The following SMIM5 variants were observed in gnomAD, a reference collection of about 807,000 sequenced individuals.
SMIM5 encodes the protein small integral membrane protein 5.
SMIM5 carries 4 observed loss-of-function variants against 4.0 expected under a neutral mutation model. The observed-to-expected ratio is 1.01, with a 90% confidence interval of 0.50 to 2.30. The LOEUF is 2.30. Among genes scored for constraint, SMIM5 ranks in the 30% most tolerant of loss-of-function variants. SMIM5 has a pLI of 0.02. For missense variants in SMIM5, 107 were observed against 99.2 expected (o/e 1.08, Z -0.34); for synonymous variants, 46 against 43.6 (o/e 1.05, Z -0.22).
chr17:75,633,812 G>A lies in SMIM5; in HGVS notation c.-427G>A, dbSNP rs140728335. 85 of 1,007,030 alleles carry A rather than the reference G, an allele frequency of 8.4e-5. 1 individual carries two copies. In the East Asian group the frequency reaches 8.4e-3, roughly 99 times the overall value. 62.4% of individuals were successfully genotyped at this position (1,007,030 alleles called of 1,614,324 possible). ...CTCCTGGCCAGGAAGGCAGAGAGCC[G>A]ACTTCTTTCTTCAGCTCCCAACCCA... is the stretch of plus-strand genomic sequence containing the variant. On this transcript the variant is annotated 5_prime_UTR_variant, in exon 1 of 3. Transcript: ENST00000375215.
At chr17:75,639,405 G>A (rs1329935567) in intron 1 of SMIM5, 1 of 152,276 alleles carries the variant, frequency 6.6e-6, no homozygotes, top group African/African-American at 2.4e-5. Context: ...CTTCTGGAGT[G>A]GCACCTTGGG....
chr17:75,634,075 C>G lies in SMIM5; in HGVS notation c.-164C>G. 1 of 985,628 alleles carries G rather than the reference C, an allele frequency of 1.0e-6. No homozygotes were observed. Among genetic ancestry groups the G allele is most frequent in the Non-Finnish European group, 1.2e-6 (1 of 830,070 alleles). 61.1% of individuals were successfully genotyped at this position (985,628 alleles called of 1,614,324 possible). On this transcript the variant is annotated 5_prime_UTR_variant, in exon 1 of 3. Transcript: ENST00000375215. Reference sequence around the variant, plus strand: ...AAAGCCAGGCAGAGACAGCAGCTGGCTGTCAGCAGAGGAGCTGGGCTGAGG... The same window carrying G: ...AAAGCCAGGCAGAGACAGCAGCTGGGTGTCAGCAGAGGAGCTGGGCTGAGG...
Position 75,640,265 on chromosome 17 carries a change from CAG to C in SMIM5, c.68_69del (p.Arg23ThrfsTer5), listed in dbSNP as rs1007283846. ...AVGERLLLKL[Q>X]RLPQAEPVEI... ...GGGCGAGAGGCTGCTGCTCAAGCTG[CAG>C]AGACTGCCCCAGGCTGAGCCCGTGG... On this transcript the variant is annotated frameshift_variant, in exon 2 of 3. Transcript: ENST00000375215. LOFTEE classifies it high-confidence loss of function. The surrounding 1 kb of genome is among the most constrained non-coding windows in gnomAD (Gnocchi z 4.6). The C allele has an allele frequency of 6.4e-7, 1 of 1,551,548 alleles. No homozygotes were observed. The highest frequency in any genetic ancestry group is 8.7e-7 in the Non-Finnish European group (1 of 1,146,932).
At position 75,634,003 on chromosome 17, in the gene SMIM5, C is replaced by G; in HGVS notation, c.-236C>G. Reference sequence around the variant, plus strand: ...AGCAGGGCTTCCTCGGGCTCCCCCTCGCGACGGTAATTTGACACTTGGATC... The same window carrying G: ...AGCAGGGCTTCCTCGGGCTCCCCCTGGCGACGGTAATTTGACACTTGGATC... On this transcript the variant is annotated 5_prime_UTR_variant, in exon 1 of 3. Transcript: ENST00000375215. The G allele has an allele frequency of 1.0e-6, 1 of 985,530 alleles. No homozygotes were observed. The highest frequency in any genetic ancestry group is 4.7e-5 in the South Asian group (1 of 21,300). 61.0% of individuals were successfully genotyped at this position (985,530 alleles called of 1,614,324 possible).
intron 1 of SMIM5, among the ~76,000 whole-genome samples, chr17:75,635,138 C>T (rs1334032944): frequency 6.6e-6 from 1 of 152,176 alleles, no homozygotes; most frequent in Non-Finnish European, 1.5e-5. Flanking sequence ...AAACAATGAC[C>T]CAGGGAAATG....
At chr17:75,638,462 C>T (rs1211977781) in intron 1 of SMIM5, 3 of 152,342 alleles carry the variant, frequency 2.0e-5, no homozygotes, top group African/African-American at 4.8e-5. Flanking sequence ...GCTTGGGCAA[C>T]AAGAGAGAAA....
Position 75,640,383 on chromosome 17 carries a change from C to T in SMIM5, c.127+55C>T, listed in dbSNP as rs1474553857. 1.8e-5 allele frequency: 27 copies of T among 1,475,996 alleles called. No individual in the cohort carries two copies. The highest frequency in any genetic ancestry group is 2.5e-5 in the Admixed American group (1 of 39,276). The allele number at this position is 1,475,996 out of a possible 1,614,324, so 91.4% of individuals were successfully genotyped here. A position where few individuals can be genotyped will look rare whatever the true frequency, so the allele number is the denominator to read the frequency against. On this transcript the variant is annotated intron_variant, in intron 2 of 2. Transcript: ENST00000375215. The surrounding 1 kb of genome is among the most constrained non-coding windows in gnomAD (Gnocchi z 4.6). ...TCTCCCTGGCATCTGGGAGAGACCA[C>T]ACCATGGTGCCAGCCAGAGGGCTGG...
intron 1 of SMIM5, among the ~76,000 whole-genome samples, chr17:75,634,782 C>G (rs1228790917): frequency 6.6e-6 from 1 of 152,254 alleles, no homozygotes; most frequent in South Asian, 2.1e-4. Context: ...CTAGATCTCC[C>G]TCTGGTGATG....
Position 75,633,516 on chromosome 17 carries a change from G to C in SMIM5, c.-723G>C. 1 of 1,288,216 alleles carries C rather than the reference G, an allele frequency of 7.8e-7. No homozygotes were observed. The highest frequency in any genetic ancestry group is 1.0e-6 in the Non-Finnish European group (1 of 988,234). 79.8% of individuals were successfully genotyped at this position (1,288,216 alleles called of 1,614,324 possible). On this transcript the variant is annotated 5_prime_UTR_variant, in exon 1 of 3. Transcript: ENST00000375215. Reference sequence around the variant, plus strand: ...CGCAGGCCACTCCCAGGTCACTCAGGATTCCAAGTTCTCCCCCAAGACGCC... The same window carrying C: ...CGCAGGCCACTCCCAGGTCACTCAGCATTCCAAGTTCTCCCCCAAGACGCC...
Position 75,640,663 on chromosome 17 carries a change from CG to C in SMIM5, c.128-126del. On this transcript the variant is annotated intron_variant, in intron 2 of 2. Transcript: ENST00000375215. The surrounding 1 kb of genome is among the most constrained non-coding windows in gnomAD (Gnocchi z 4.6). Reference sequence around the variant, plus strand: ...CCGTCCGCACCTCTCACCAGCCTCTCGGATCTTTCTGACCTCCACCAAACCT... The same window carrying C: ...CCGTCCGCACCTCTCACCAGCCTCTCGATCTTTCTGACCTCCACCAAACCT... 6.8e-7 allele frequency: 1 copy of C among 1,466,584 alleles called. No individual in the cohort carries two copies. 90.8% of individuals were successfully genotyped at this position (1,466,584 alleles called of 1,614,324 possible).
chr17:75,638,180 C>T (rs1231371542), intron 1 of SMIM5: 1 of 151,252 alleles, frequency 6.6e-6, no homozygotes, highest in African/African-American at 2.4e-5. Context: ...CCCTCATCAT[C>T]ACTTAAAAAA....
intron 1 of SMIM5, chr17:75,637,216 C>T (rs1208190959): frequency 6.6e-6 from 1 of 152,420 alleles, no homozygotes; most frequent in Non-Finnish European, 1.5e-5. Context: ...CCTGCAATCT[C>T]TCCCTGGGTC....
chr17:75,634,279 C>T (rs967303767), intron 1 of SMIM5, 77 bp downstream of exon 1: 3 of 983,400 alleles, frequency 3.1e-6, no homozygotes, highest in African/African-American at 1.7e-5. Flanking sequence ...GGTGAAGGGC[C>T]ACAGTCTACC....
At position 75,634,110 on chromosome 17, in the gene SMIM5, G is replaced by A; in HGVS notation, c.-129G>A. On this transcript the variant is annotated 5_prime_UTR_variant, in exon 1 of 3. Coordinates refer to ENST00000375215, the MANE Select transcript of SMIM5 (RefSeq NM_001162995.3). Reference sequence around the variant, plus strand: ...AGGAGCTGGGCTGAGGCGCCCAGGGGAGCAGCGGCGCCCACGAAGGAAGTA... The same window carrying A: ...AGGAGCTGGGCTGAGGCGCCCAGGGAAGCAGCGGCGCCCACGAAGGAAGTA... 1.0e-6 allele frequency: 1 copy of A among 985,574 alleles called. No individual in the cohort carries two copies. The highest frequency in any genetic ancestry group is 1.2e-6 in the Non-Finnish European group (1 of 830,018). 61.1% of individuals were successfully genotyped at this position (985,574 alleles called of 1,614,324 possible).
chr17:75,635,542 G>A (rs2059305237), intron 1 of SMIM5, among the ~76,000 whole-genome samples: 1 of 152,222 alleles, frequency 6.6e-6, no homozygotes, highest in African/African-American at 2.4e-5. Flanking sequence ...CCTGCCAGGG[G>A]TTCAAGCACC....
rs182242618 is a variant in SMIM5 at position 75,640,348 on chromosome 17, A to G, written c.127+20A>G. Reference sequence around the variant, plus strand: ...TCACAGGTTAGTTGGGGCACTCAGCACCCCATGGCTCTCCCTGGCATCTGG... The same window carrying G: ...TCACAGGTTAGTTGGGGCACTCAGCGCCCCATGGCTCTCCCTGGCATCTGG... On this transcript the variant is annotated intron_variant, in intron 2 of 2. Transcript: ENST00000375215. This position sits in a 1 kb window ranked among gnomAD's most constrained non-coding sequence, Gnocchi z 4.6. 391 of 1,525,600 alleles carry G rather than the reference A, an allele frequency of 2.6e-4. No homozygotes were observed. The African/African-American group carries it at 4.9e-3, about 19-fold the overall frequency. The allele number at this position is 1,525,600 out of a possible 1,614,324, so 94.5% of individuals were successfully genotyped here.
intron 1 of SMIM5, chr17:75,639,927 C>T (rs566573825): frequency 1.1e-5 from 4 of 370,772 alleles, no homozygotes; most frequent in East Asian, 9.2e-5. Context: ...CCGCCTTGGC[C>T]GGCAGCCCCC....
At position 75,639,937 on chromosome 17, in the gene SMIM5, C is replaced by T. The variant is rs1048415192; in HGVS notation, c.-36-229C>T. 21 of 393,370 alleles carry T rather than the reference C, an allele frequency of 5.3e-5. No individual in the cohort carries two copies. The South Asian group carries it at 5.7e-4, about 11-fold the overall frequency. 24.4% of individuals were successfully genotyped at this position (393,370 alleles called of 1,614,324 possible). ...AGCCGCCGCCTTGGCCGGCAGCCCC[C>T]GAAGCAAGCCCTTGGTCTCACTGTC... On this transcript the variant is annotated intron_variant, in intron 1 of 2. Coordinates refer to ENST00000375215, the MANE Select transcript of SMIM5 (RefSeq NM_001162995.3).
chr17:75,641,058 C>G lies in SMIM5; in HGVS notation c.*161C>G, dbSNP rs1400094039. 2.4e-6 allele frequency: 3 copies of G among 1,269,050 alleles called. No homozygotes were observed. Among genetic ancestry groups the G allele is most frequent in the Non-Finnish European group, 3.2e-6 (3 of 944,170 alleles). 78.6% of individuals were successfully genotyped at this position (1,269,050 alleles called of 1,614,324 possible). Reference sequence around the variant, plus strand: ...TGGACACTGACAACTTGAGCCCTACCAAGGAAACAAGGGCTGGTATAGGTG... The same window carrying G: ...TGGACACTGACAACTTGAGCCCTACGAAGGAAACAAGGGCTGGTATAGGTG... On this transcript the variant is annotated 3_prime_UTR_variant, in exon 3 of 3. Transcript: ENST00000375215.
Sources: allele counts gnomAD v4.1 joint callset (sites outside exome capture counted in the v4.1 genomes callset), GRCh38; gene constraint gnomAD v4.1.1; non-coding constraint Gnocchi (gnomAD v3.1); transcripts MANE v1.5; gene names NCBI Gene and HGNC (gene_info 2026-07-23, HGNC 2026-07-21).